TRAPPC9: variants seen among roughly 807,000 people sequenced by gnomAD.
The protein encoded by TRAPPC9 is trafficking protein particle complex subunit 9.
Under a neutral mutation model 124.0 loss-of-function variants are expected in TRAPPC9, and 83 were observed. That is an observed-to-expected ratio of 0.67 (90% CI 0.56 to 0.80). The LOEUF is 0.80. Ranked by LOEUF, TRAPPC9 falls within the 30% of genes least tolerant of loss-of-function variation. TRAPPC9 has a pLI of 0.00. For missense variants in TRAPPC9, 1,302 were observed against 1,508.3 expected (o/e 0.86, Z 2.27); for synonymous variants, 638 against 617.5 (o/e 1.03, Z -0.49).
intron 17 of TRAPPC9, among the ~76,000 whole-genome samples, chr8:140,171,847 G>A (rs1023458631): frequency 2.6e-5 from 4 of 152,136 alleles, no homozygotes; most frequent in Admixed American, 2.6e-4. Context: ...GAGTATGGCC[G>A]CACCAACCAA....
intron 9 of TRAPPC9, among the ~76,000 whole-genome samples, chr8:140,347,037 G>A (rs912086290): frequency 2.0e-5 from 3 of 152,198 alleles, no homozygotes; most frequent in African/African-American, 7.2e-5. Flanking sequence ...CTGGTGGACT[G>A]GGCAGCATCC....
At chr8:139,978,171 C>A (rs1268854321) in intron 19 of TRAPPC9, among the ~76,000 whole-genome samples, 1 of 152,208 alleles carries the variant, frequency 6.6e-6, no homozygotes, top group African/African-American at 2.4e-5. Context: ...AGCCACGGCG[C>A]CCGGCTGAGG....
rs1844238725 is a variant in TRAPPC9 at position 140,087,131 on chromosome 8, T to C, written c.2557-63052A>G. Among the ~76,000 whole-genome samples the C allele has an allele frequency of 6.6e-6, 1 of 152,154 alleles. No homozygotes were observed. The highest frequency in any genetic ancestry group is 6.5e-5 in the Admixed American group (1 of 15,280). On this transcript the variant is annotated intron_variant, in intron 17 of 22. Coordinates refer to ENST00000438773, the MANE Select transcript of TRAPPC9 (RefSeq NM_001160372.4). This position sits in a 1 kb window ranked among gnomAD's most constrained non-coding sequence, Gnocchi z 4.6. ...AAAGCCAGTGGTCAACATCCTGGCCTTGTCTTCCTGACGTTCTCAGCAGCT... is the reference window on the plus strand; with the variant it reads ...AAAGCCAGTGGTCAACATCCTGGCCCTGTCTTCCTGACGTTCTCAGCAGCT...
At chr8:140,455,215 C>G (rs2071610218) in intron 1 of TRAPPC9, among the ~76,000 whole-genome samples, 1 of 152,182 alleles carries the variant, frequency 6.6e-6, no homozygotes, top group African/African-American at 2.4e-5. Flanking sequence ...TCACCTCAAC[C>G]TCTGCCTCCC....
Position 140,087,862 on chromosome 8 carries a change from A to G in TRAPPC9, c.2557-63783T>C, listed in dbSNP as rs1844300445. Among the ~76,000 whole-genome samples, 1 of 152,060 alleles carries G rather than the reference A, an allele frequency of 6.6e-6. No individual in the cohort carries two copies. The highest frequency in any genetic ancestry group is 1.5e-5 in the Non-Finnish European group (1 of 68,020). ...TGCAGCTTGTCGCCGCCAGCCCCAG[A>G]AAAACCCACCATCACTGACAAGGTC... On this transcript the variant is annotated intron_variant, in intron 17 of 22. Coordinates refer to ENST00000438773, the MANE Select transcript of TRAPPC9 (RefSeq NM_001160372.4). The surrounding 1 kb of genome is among the most constrained non-coding windows in gnomAD (Gnocchi z 4.6).
At chr8:139,955,655 AAAC>A (rs575078240) in intron 19 of TRAPPC9, among the ~76,000 whole-genome samples, 301 of 152,304 alleles carry the variant, frequency 2.0e-3, no homozygotes, top group Admixed American at 5.0e-3. Flanking sequence ...TCTAACTGGA[AAAC>A]AACAACAACA....
chr8:140,385,231 T>C (rs1330306856), intron 7 of TRAPPC9, among the ~76,000 whole-genome samples: 1 of 152,144 alleles, frequency 6.6e-6, no homozygotes, highest in Admixed American at 6.5e-5. Flanking sequence ...AGATCTAAAA[T>C]TGACACCCTA....
At chr8:140,222,649 A>C (rs2063360902) in intron 16 of TRAPPC9, among the ~76,000 whole-genome samples, 1 of 152,210 alleles carries the variant, frequency 6.6e-6, no homozygotes, top group Non-Finnish European at 1.5e-5. Context: ...CATTTAACAG[A>C]AGAGAAGACC....
chr8:140,180,316 T>C (rs2062168923), intron 17 of TRAPPC9, among the ~76,000 whole-genome samples: 1 of 152,030 alleles, frequency 6.6e-6, no homozygotes, highest in South Asian at 2.1e-4. Context: ...TTACATATAA[T>C]GTAAGAATCT....
chr8:140,382,513 G>A (rs1410790074), intron 7 of TRAPPC9, among the ~76,000 whole-genome samples: 1 of 151,406 alleles, frequency 6.6e-6, no homozygotes, highest in South Asian at 2.1e-4. Context: ...GGCTGGGAGG[G>A]TCCCACGCCC....
rs35254769 is a variant in TRAPPC9 at position 140,081,346 on chromosome 8, C to CATTTTTTT, written c.2557-57268_2557-57267insAAAAAAAT. ...GTCAAGGTGAAGAATAAAATGAATG[C>CATTTTTTT]TTTTTTTTTTTTTTTTTGAGACAGA... On this transcript the variant is annotated intron_variant, in intron 17 of 22. Coordinates refer to ENST00000438773, the MANE Select transcript of TRAPPC9 (RefSeq NM_001160372.4). 5.7e-5 allele frequency among the ~76,000 whole-genome samples: 8 copies of CATTTTTTT among 141,050 alleles called. 3 individuals carry two copies. The highest frequency in any genetic ancestry group is 7.3e-5 in the Admixed American group (1 of 13,620). 92.5% of individuals were successfully genotyped at this position (141,050 alleles called of 152,430 possible).
At chr8:139,761,357 A>G (rs570909164) in intron 21 of TRAPPC9, among the ~76,000 whole-genome samples, 15 of 152,324 alleles carry the variant, frequency 9.8e-5, no homozygotes, top group African/African-American at 3.6e-4. Context: ...TCAAGCTCAC[A>G]GCCGGACATG....
intron 9 of TRAPPC9, among the ~76,000 whole-genome samples, chr8:140,315,200 A>AT (rs993168614): frequency 3.2e-5 from 4 of 126,346 alleles, no homozygotes; most frequent in Admixed American, 2.4e-4. Flanking sequence ...GATGTTAAGC[A>AT]TTTTTTCATA....
At chr8:140,345,418 G>A (rs2067316553) in intron 9 of TRAPPC9, among the ~76,000 whole-genome samples, 1 of 152,178 alleles carries the variant, frequency 6.6e-6, no homozygotes, top group African/African-American at 2.4e-5. Flanking sequence ...AAGTAGCAAC[G>A]GAAAATGATG....
chr8:140,318,358 T>C (rs779254956), intron 9 of TRAPPC9, among the ~76,000 whole-genome samples: 1 of 152,256 alleles, frequency 6.6e-6, no homozygotes, highest in Non-Finnish European at 1.5e-5. Context: ...CCTGAAATAT[T>C]TAACATTTTT....
In TRAPPC9 at chr8:140,451,079, A is replaced by C; in HGVS notation, c.295T>G (p.Phe99Val). The C allele has an allele frequency of 6.2e-7, 1 of 1,613,856 alleles. No individual in the cohort carries two copies. The highest frequency in any genetic ancestry group is 8.5e-7 in the Non-Finnish European group (1 of 1,179,966). ...CCGTAGATCTCCTTCTGCACGTGGA[A>C]CTTCTCAAAGGTCTGTGGCCAGTCC... ...AKDWPQTFEK[F>V]HVQKEIYGST... The change falls in exon 2 of 23, where the codon TTC becomes GTC. Residue 99 changes from phenylalanine to valine, a missense_variant. By Grantham distance (50) the Phe-to-Val change is conservative. This residue lies in a region of TRAPPC9 where 657 missense variants were observed against 811.2 expected (regional missense o/e 0.81). Coordinates refer to ENST00000438773, the MANE Select transcript of TRAPPC9 (RefSeq NM_001160372.4).
At chr8:140,100,897 T>C (rs1197602038) in intron 17 of TRAPPC9, among the ~76,000 whole-genome samples, 2 of 152,182 alleles carry the variant, frequency 1.3e-5, no homozygotes, top group Non-Finnish European at 2.9e-5. Flanking sequence ...TAAAATCCTA[T>C]AGGCTAAGTT....
chr8:140,232,376 G>A (rs1050134656), intron 16 of TRAPPC9, among the ~76,000 whole-genome samples: 5 of 152,178 alleles, frequency 3.3e-5, no homozygotes, highest in Admixed American at 2.0e-4. Context: ...GAGGGAGGAG[G>A]AACTGGGGGA....
chr8:140,068,751 A>G (rs1248072585), intron 17 of TRAPPC9, among the ~76,000 whole-genome samples: 1 of 152,232 alleles, frequency 6.6e-6, no homozygotes, highest in Non-Finnish European at 1.5e-5. Context: ...CGCTTGTTCA[A>G]TCTGCATTCA....
Sources: gnomAD v4.1 joint callset for allele counts (sites outside exome capture counted in the v4.1 genomes callset) on GRCh38, gnomAD v4.1.1 for gene constraint, gnomAD v4.1.1 regional missense constraint, Gnocchi (gnomAD v3.1) non-coding constraint, MANE v1.5 for transcripts, NCBI Gene and HGNC (gene_info 2026-07-23, HGNC 2026-07-21) for gene names.